Variants in CLNK observed in about 807,000 individuals in gnomAD.
The protein encoded by CLNK is cytokine-dependent hematopoietic cell linker.
A neutral mutation model predicts 68.6 loss-of-function variants in CLNK; 74 were observed. The observed-to-expected ratio is 1.08, with a 90% CI of 0.89 to 1.31. The LOEUF is 1.31. CLNK is among the 50% of genes most tolerant of loss of function. CLNK has a pLI of 0.00. For synonymous variants in CLNK, 198 were observed against 172.2 expected (o/e 1.15, Z -1.17); for missense variants, 553 against 515.3 (o/e 1.07, Z -0.71).
intron 3 of CLNK, among the ~76,000 whole-genome samples, chr4:10,596,875 C>A (rs1375913625): frequency 3.3e-5 from 5 of 152,154 alleles, no homozygotes; most frequent in Non-Finnish European, 7.4e-5. Flanking sequence ...ATTGCTTCAA[C>A]CCTCTCCATC....
intron 3 of CLNK, among the ~76,000 whole-genome samples, chr4:10,591,021 T>A (rs1721160368): frequency 6.6e-6 from 1 of 152,136 alleles, no homozygotes; most frequent in African/African-American, 2.4e-5. Flanking sequence ...TGATGACACA[T>A]CTCTCCACCA....
chr4:10,536,877 T>A (rs758332), intron 11 of CLNK, among the ~76,000 whole-genome samples: 2 of 151,914 alleles, frequency 1.3e-5, no homozygotes, highest in East Asian at 1.9e-4. Context: ...CCAATAGACC[T>A]GTGTGGTTTG....
At chr4:10,653,445 A>C (rs1723835737) in intron 2 of CLNK, among the ~76,000 whole-genome samples, 1 of 152,232 alleles carries the variant, frequency 6.6e-6, no homozygotes, top group South Asian at 2.1e-4. Context: ...CATATGATTA[A>C]GTTAGAAATC....
chr4:10,497,096 G>C (rs931262703), intron 18 of CLNK, among the ~76,000 whole-genome samples: 1 of 152,120 alleles, frequency 6.6e-6, no homozygotes, highest in Non-Finnish European at 1.5e-5. Flanking sequence ...TCCCAGAATT[G>C]CCGTTTACTA....
chr4:10,710,839 C>G, the CLNK span, among the ~76,000 whole-genome samples: 1 of 152,174 alleles, frequency 6.6e-6, no homozygotes, highest in Non-Finnish European at 1.5e-5. Context: ...ATTTTTTGTA[C>G]AGTCCTCTTC....
At chr4:10,708,380 C>G in the CLNK span, among the ~76,000 whole-genome samples, 131 of 152,180 alleles carry the variant, frequency 8.6e-4, no homozygotes, top group African/African-American at 2.8e-3. Context: ...TTGTGGTGAA[C>G]ACTATTTTTT....
chr4:10,558,154 T>G (rs1372753384), intron 8 of CLNK, among the ~76,000 whole-genome samples: 1 of 152,226 alleles, frequency 6.6e-6, no homozygotes, highest in Non-Finnish European at 1.5e-5. Flanking sequence ...TTCAAAATAA[T>G]TCATTTCCAA....
In CLNK at chr4:10,537,627, TTCTTTCTTTC is replaced by T. The variant is rs1323462994; in HGVS notation, c.602+2857_602+2866del. 4.3e-3 allele frequency among the ~76,000 whole-genome samples: 602 copies of T among 139,610 alleles called. 8 individuals carry two copies. Among genetic ancestry groups the T allele is most frequent in the South Asian group, 9.1e-3 (37 of 4,060 alleles). The allele number at this position is 139,610 out of a possible 152,430, so 91.6% of individuals were successfully genotyped here. On this transcript the variant is annotated intron_variant, in intron 11 of 18. Transcript: ENST00000226951. ...TTTCTCCCTTTCTCTCTCTCTTTCTTTCTTTCTTTCTCTTTCTTTCTTTCTTTCTTTCTTT... is the reference window on the plus strand; with the variant it reads ...TTTCTCCCTTTCTCTCTCTCTTTCTTTCTTTCTTTCTTTCTTTCTTTCTTT...
chr4:10,655,330 A>AGAGAGAGAG (rs1355299217), intron 2 of CLNK, among the ~76,000 whole-genome samples: 1,266 of 77,692 alleles, frequency 0.016, 51 homozygotes, highest in African/African-American at 0.049. Flanking sequence ...AAAACCCCCA[A>AGAGAGAGAG]AGACAGAGAG....
the CLNK span, among the ~76,000 whole-genome samples, chr4:10,725,088 GA>G: frequency 6.6e-6 from 1 of 152,034 alleles, no homozygotes. Context: ...CCTTGCGAAG[GA>G]GAGGGCCCAG....
the CLNK span, among the ~76,000 whole-genome samples, chr4:10,729,281 T>C: frequency 6.6e-6 from 1 of 152,096 alleles, no homozygotes; most frequent in African/African-American, 2.4e-5. Flanking sequence ...TTGGAGAGGG[T>C]GTGGAGAAAA....
At chr4:10,599,556 T>C (rs533404129) in intron 2 of CLNK, among the ~76,000 whole-genome samples, 3 of 152,346 alleles carry the variant, frequency 2.0e-5, no homozygotes, top group South Asian at 2.1e-4. Context: ...ACTTCTCTAC[T>C]AAGTTCCAGG....
chr4:10,659,115 A>C (rs1310865811), intron 2 of CLNK, among the ~76,000 whole-genome samples: 1 of 152,116 alleles, frequency 6.6e-6, no homozygotes, highest in Non-Finnish European at 1.5e-5. Flanking sequence ...GAGGCAGGAG[A>C]CTTTCTTGAA....
intron 2 of CLNK, among the ~76,000 whole-genome samples, chr4:10,646,450 A>G (rs749910727): frequency 1.3e-5 from 2 of 152,324 alleles, no homozygotes; most frequent in Middle Eastern, 3.4e-3. Flanking sequence ...TTGATGTGCA[A>G]AGAGAAATGG....
At chr4:10,718,048 G>A in the CLNK span, among the ~76,000 whole-genome samples, 5 of 152,082 alleles carry the variant, frequency 3.3e-5, no homozygotes, top group African/African-American at 1.2e-4. Flanking sequence ...GGAAATTTTA[G>A]AAGTGAAAAT....
chr4:10,678,396 C>A (rs1465351381), intron 1 of CLNK, among the ~76,000 whole-genome samples: 2 of 152,086 alleles, frequency 1.3e-5, no homozygotes, highest in Admixed American at 6.6e-5. Context: ...TGCATCAGTG[C>A]CGTGAAAAAC....
At chr4:10,508,843 C>T (rs970338220) in intron 16 of CLNK, among the ~76,000 whole-genome samples, 18 of 151,286 alleles carry the variant, frequency 1.2e-4, no homozygotes, top group African/African-American at 4.4e-4. Flanking sequence ...TGTGGTGGCT[C>T]AATGCCTGTA....
intron 18 of CLNK, among the ~76,000 whole-genome samples, chr4:10,499,532 G>T (rs769390087): frequency 6.6e-6 from 1 of 152,178 alleles, no homozygotes; most frequent in Non-Finnish European, 1.5e-5. Context: ...CCTGCGCATC[G>T]ATTTCACACG....
At chr4:10,508,882 G>A (rs1349987312) in intron 16 of CLNK, among the ~76,000 whole-genome samples, 2 of 152,242 alleles carry the variant, frequency 1.3e-5, no homozygotes, top group East Asian at 3.9e-4. Context: ...GCCAAGGCGG[G>A]CGGATCACAA....
Sources: gnomAD v4.1 joint callset for allele counts (sites outside exome capture counted in the v4.1 genomes callset) on GRCh38, gnomAD v4.1.1 for gene constraint, MANE v1.5 for transcripts, NCBI Gene and HGNC (gene_info 2026-07-23, HGNC 2026-07-21) for gene names.